The following DCDC2 variants were observed in gnomAD, a reference collection of about 807,000 sequenced individuals.
DCDC2 encodes the protein doublecortin domain-containing protein 2.
A neutral mutation model predicts 50.2 loss-of-function variants in DCDC2; 40 were observed. That is an observed-to-expected ratio of 0.80 (90% CI 0.62 to 1.04). DCDC2 has a LOEUF of 1.04. Ranked by LOEUF, DCDC2 falls within the 50% of genes least tolerant of loss-of-function variation. DCDC2 has a pLI of 0.00. For missense variants in DCDC2, 570 were observed against 581.9 expected, an observed-to-expected ratio of 0.98 and a Z score of 0.21; for synonymous variants, 234 against 210.6, an observed-to-expected ratio of 1.11 and a Z score of -0.96.
intron 2 of DCDC2, among the ~76,000 whole-genome samples, chr6:24,332,833 CT>C (rs1300901785): frequency 2.0e-5 from 3 of 152,124 alleles, no homozygotes; most frequent in Non-Finnish European, 4.4e-5. Context: ...GCACAAGACA[CT>C]GTGTTTGATG....
At chr6:24,199,109 G>C (rs1034285468) in intron 8 of DCDC2, among the ~76,000 whole-genome samples, 1 of 152,236 alleles carries the variant, frequency 6.6e-6, no homozygotes, top group Admixed American at 6.5e-5. Context: ...ATTCCTGCCT[G>C]CTGGCTCTGA....
intron 7 of DCDC2, among the ~76,000 whole-genome samples, chr6:24,247,931 C>A (rs149769046): frequency 5.4e-4 from 82 of 152,262 alleles, no homozygotes; most frequent in African/African-American, 1.9e-3. Flanking sequence ...AAAAAATTAG[C>A]TGGGTATGGT....
chr6:24,228,939 T>C (rs920915385), intron 7 of DCDC2, among the ~76,000 whole-genome samples: 1 of 152,234 alleles, frequency 6.6e-6, no homozygotes, highest in Admixed American at 6.5e-5. Context: ...TTCACAATCA[T>C]ACACTTCTGA....
chr6:24,337,730 G>A (rs892377992), intron 2 of DCDC2, among the ~76,000 whole-genome samples: 8 of 149,924 alleles, frequency 5.3e-5, no homozygotes, highest in African/African-American at 1.5e-4. Context: ...CCTGGGAGAC[G>A]GAGGTTGCAG....
intron 7 of DCDC2, among the ~76,000 whole-genome samples, chr6:24,243,171 T>TA (rs1762601247): frequency 6.6e-6 from 1 of 152,124 alleles, no homozygotes; most frequent in Non-Finnish European, 1.5e-5. Flanking sequence ...AACCTGTCAG[T>TA]AATCTAAAGC....
At chr6:24,223,127 G>T (rs1431387864) in intron 7 of DCDC2, among the ~76,000 whole-genome samples, 6 of 152,178 alleles carry the variant, frequency 3.9e-5, no homozygotes, top group Non-Finnish European at 7.3e-5. Flanking sequence ...TTTGGAAAAA[G>T]CTATTAAGAT....
At chr6:24,186,470 C>T (rs980911091) in intron 8 of DCDC2, among the ~76,000 whole-genome samples, 5 of 152,172 alleles carry the variant, frequency 3.3e-5, no homozygotes, top group East Asian at 1.9e-4. Context: ...AACACACATA[C>T]CTGCGTGCAC....
intron 2 of DCDC2, among the ~76,000 whole-genome samples, chr6:24,312,283 C>A (rs544164836): frequency 6.6e-6 from 1 of 152,288 alleles, no homozygotes; most frequent in South Asian, 2.1e-4. Context: ...ATTGCTCACA[C>A]AAAGCCTGTT....
the DCDC2 span, among the ~76,000 whole-genome samples, chr6:24,382,008 G>GC: frequency 0.067 from 8,653 of 129,484 alleles, 353 homozygotes; most frequent in East Asian, 0.19. Flanking sequence ...AGGAAGGAAG[G>GC]AAGGCAGGCA....
At chr6:24,201,680 C>T (rs970152201) in intron 8 of DCDC2, among the ~76,000 whole-genome samples, 2 of 152,028 alleles carry the variant, frequency 1.3e-5, no homozygotes, top group South Asian at 2.1e-4. Context: ...GATAGAGACA[C>T]GAAAAACCCT....
chr6:24,210,072 C>T (rs1761832085), intron 7 of DCDC2, among the ~76,000 whole-genome samples: 2 of 139,162 alleles, frequency 1.4e-5, no homozygotes, highest in Admixed American at 1.4e-4. Flanking sequence ...GTCTGTCTGT[C>T]TGCCTGCCTG....
intron 7 of DCDC2, among the ~76,000 whole-genome samples, chr6:24,235,072 G>A (rs564885626): frequency 1.1e-4 from 16 of 152,258 alleles, no homozygotes; most frequent in Non-Finnish European, 1.8e-4. Flanking sequence ...TTGACAGCTG[G>A]TCATGCAGAA....
rs58756557 is a variant in DCDC2, at chr6:24,331,299, C to CT, written c.348+22269dup. Among the ~76,000 whole-genome samples the CT allele has an allele frequency of 3.8e-4, 56 of 146,022 alleles. No individual in the cohort carries two copies. In the East Asian group the frequency reaches 4.2e-3, roughly 11 times the overall value. ...AGTTTTTTAAGTTGTCTATATATAC[C>CT]TTTTTTTTTTTTTAATTCAGAGACA... On this transcript the variant is annotated intron_variant, in intron 2 of 9. Coordinates refer to ENST00000378454, the MANE Select transcript of DCDC2 (RefSeq NM_016356.5).
At chr6:24,352,059 G>A (rs929336930) in intron 2 of DCDC2, among the ~76,000 whole-genome samples, 2 of 152,046 alleles carry the variant, frequency 1.3e-5, no homozygotes, top group East Asian at 1.9e-4. Flanking sequence ...AGCAGAGATC[G>A]AGCCACCGCA....
At chr6:24,330,321 G>T (rs963071977) in intron 2 of DCDC2, among the ~76,000 whole-genome samples, 2 of 152,136 alleles carry the variant, frequency 1.3e-5, no homozygotes, top group African/African-American at 4.8e-5. Flanking sequence ...ACTTCTACAC[G>T]TACTGTTCCA....
intron 4 of DCDC2, among the ~76,000 whole-genome samples, chr6:24,293,908 A>T (rs1040579420): frequency 1.1e-4 from 16 of 152,252 alleles, no homozygotes; most frequent in African/African-American, 3.1e-4. Flanking sequence ...CATGGAAATT[A>T]AAAAACTTGC....
intron 7 of DCDC2, among the ~76,000 whole-genome samples, chr6:24,256,089 TAGA>T (rs1762892361): frequency 6.6e-6 from 1 of 152,234 alleles, no homozygotes; most frequent in South Asian, 2.1e-4. Context: ...GTCAACAAAA[TAGA>T]AGAATAACTT....
At chr6:24,218,288 A>C (rs532529266) in intron 7 of DCDC2, among the ~76,000 whole-genome samples, 3 of 152,274 alleles carry the variant, frequency 2.0e-5, no homozygotes, top group Admixed American at 6.5e-5. Context: ...TCAAGGAAGA[A>C]GATTCAAAAT....
intron 7 of DCDC2, among the ~76,000 whole-genome samples, chr6:24,213,713 T>C (rs973682744): frequency 2.0e-5 from 3 of 152,264 alleles, no homozygotes; most frequent in Non-Finnish European, 4.4e-5. Flanking sequence ...CCCAGTAGGA[T>C]AGGGTCTTTA....
Sources: gnomAD v4.1 joint callset for allele counts (sites outside exome capture counted in the v4.1 genomes callset) on GRCh38, gnomAD v4.1.1 for gene constraint, MANE v1.5 for transcripts, NCBI Gene and HGNC (gene_info 2026-07-23, HGNC 2026-07-21) for gene names.